EFNA5: variants seen among roughly 807,000 people sequenced by gnomAD.
The protein encoded by EFNA5 is ephrin A5.
A neutral mutation model predicts 22.9 loss-of-function variants in EFNA5; 5 were observed. The ratio of observed to expected loss-of-function variants is 0.22; its 90% CI spans 0.11 to 0.46. EFNA5 has a LOEUF of 0.46. Among genes scored for constraint, EFNA5 ranks in the 20% least tolerant of loss-of-function variants. The pLI is 0.99. For missense variants in EFNA5, 237 were observed against 293.3 expected (o/e 0.81, Z 1.40); for synonymous variants, 113 against 112.2 (o/e 1.01, Z -0.04).
chr5:107,582,361 C>G lies in EFNA5; in HGVS notation c.125+88128G>C, dbSNP rs1749089818. Among the ~76,000 whole-genome samples, 5 of 152,212 alleles carry G rather than the reference C, an allele frequency of 3.3e-5. 1 individual carries two copies. In the South Asian group the frequency reaches 1.0e-3, roughly 32 times the overall value. ...CATAGGAAATTAAGTTCATTTGGGG[C>G]TGAGATGATGCTTTGTTCACTTTAG... On this transcript the variant is annotated intron_variant, in intron 1 of 4. Coordinates refer to ENST00000333274, the MANE Select transcript of EFNA5 (RefSeq NM_001962.3).
At chr5:107,498,042 A>G (rs925631058) in intron 1 of EFNA5, among the ~76,000 whole-genome samples, 1 of 152,124 alleles carries the variant, frequency 6.6e-6, no homozygotes, top group African/African-American at 2.4e-5. Context: ...CAGCCTCCCA[A>G]GTAGCTGGGA....
intron 1 of EFNA5, among the ~76,000 whole-genome samples, chr5:107,432,744 T>C (rs1361844121): frequency 6.6e-6 from 1 of 152,162 alleles, no homozygotes; most frequent in Non-Finnish European, 1.5e-5. Context: ...GAAGGCTGCA[T>C]GGCCACTTAG....
At chr5:107,468,173 T>C (rs960261471) in intron 1 of EFNA5, among the ~76,000 whole-genome samples, 3 of 152,176 alleles carry the variant, frequency 2.0e-5, no homozygotes, top group East Asian at 3.9e-4. Context: ...GTTTTTAAAA[T>C]GGGAAGAAAT....
intron 2 of EFNA5, among the ~76,000 whole-genome samples, chr5:107,419,394 A>G (rs1489129221): frequency 6.6e-6 from 1 of 152,222 alleles, no homozygotes; most frequent in Non-Finnish European, 1.5e-5. Flanking sequence ...GTGGGAGTAT[A>G]CAAAGCGAAT....
At chr5:107,638,567 A>G (rs1750434900) in intron 1 of EFNA5, among the ~76,000 whole-genome samples, 1 of 152,240 alleles carries the variant, frequency 6.6e-6, no homozygotes, top group Admixed American at 6.5e-5. Context: ...TTTAAAATAC[A>G]GTATGACAAC....
intron 4 of EFNA5, among the ~76,000 whole-genome samples, chr5:107,383,486 T>C (rs554262872): frequency 2.0e-5 from 3 of 152,326 alleles, no homozygotes; most frequent in South Asian, 2.1e-4. Context: ...CACCAATATG[T>C]TGTCAATCAA....
At chr5:107,538,993 A>T (rs1747988636) in intron 1 of EFNA5, among the ~76,000 whole-genome samples, 1 of 152,200 alleles carries the variant, frequency 6.6e-6, no homozygotes. Context: ...CTGTCACAAC[A>T]TTCACAGCTT....
chr5:107,505,649 T>C (rs564366887), intron 1 of EFNA5, among the ~76,000 whole-genome samples: 1 of 152,342 alleles, frequency 6.6e-6, no homozygotes, highest in South Asian at 2.1e-4. Flanking sequence ...TGTGAATATA[T>C]TAACTGATTG....
chr5:107,577,720 T>A (rs976835774), intron 1 of EFNA5, among the ~76,000 whole-genome samples: 1 of 152,162 alleles, frequency 6.6e-6, no homozygotes, highest in Non-Finnish European at 1.5e-5. Context: ...AGAGATTAGT[T>A]GGGGGAGCCT....
chr5:107,567,172 A>T (rs899615709), intron 1 of EFNA5, among the ~76,000 whole-genome samples: 1 of 152,216 alleles, frequency 6.6e-6, no homozygotes, highest in Non-Finnish European at 1.5e-5. Flanking sequence ...AATAAAAAGC[A>T]GGACTCTGGT....
At chr5:107,593,114 A>C (rs1230553596) in intron 1 of EFNA5, among the ~76,000 whole-genome samples, 1 of 152,196 alleles carries the variant, frequency 6.6e-6, no homozygotes, top group African/African-American at 2.4e-5. Context: ...TGCTATGTCC[A>C]TGGCTATACA....
At chr5:107,429,283 A>G (rs1457880471) in intron 1 of EFNA5, among the ~76,000 whole-genome samples, 1 of 152,186 alleles carries the variant, frequency 6.6e-6, no homozygotes, top group Non-Finnish European at 1.5e-5. Context: ...TCTCTACTAA[A>G]AATACAAAAA....
intron 1 of EFNA5, among the ~76,000 whole-genome samples, chr5:107,517,962 G>C (rs1215807623): frequency 6.6e-6 from 1 of 152,118 alleles, no homozygotes; most frequent in Non-Finnish European, 1.5e-5. Context: ...GCAATGAAGT[G>C]TACTCAGCAG....
At chr5:107,519,083 A>G (rs1233011038) in intron 1 of EFNA5, among the ~76,000 whole-genome samples, 1 of 152,262 alleles carries the variant, frequency 6.6e-6, no homozygotes, top group East Asian at 1.9e-4. Flanking sequence ...ACCAATGAAG[A>G]TATTCCTCTT....
At chr5:107,627,635 C>CAAAAAA (rs758660866) in intron 1 of EFNA5, among the ~76,000 whole-genome samples, 3 of 72,064 alleles carry the variant, frequency 4.2e-5, no homozygotes, top group Non-Finnish European at 8.2e-5. Flanking sequence ...GACCACATCT[C>CAAAAAA]AAAAAAAAAA....
At chr5:107,638,291 TA>T (rs1164135084) in intron 1 of EFNA5, among the ~76,000 whole-genome samples, 1 of 152,058 alleles carries the variant, frequency 6.6e-6, no homozygotes, top group African/African-American at 2.4e-5. Flanking sequence ...ATGCAGAGGC[TA>T]AAAAAGTAGA....
chr5:107,554,546 G>A (rs1242384457), intron 1 of EFNA5, among the ~76,000 whole-genome samples: 1 of 152,138 alleles, frequency 6.6e-6, no homozygotes, highest in Non-Finnish European at 1.5e-5. Context: ...TATCCTCATA[G>A]AAACATTAGG....
chr5:107,589,686 C>T (rs1309893777), intron 1 of EFNA5, among the ~76,000 whole-genome samples: 1 of 152,034 alleles, frequency 6.6e-6, no homozygotes, highest in Non-Finnish European at 1.5e-5. Context: ...TTATCATCAT[C>T]ATAAGAAAGA....
intron 1 of EFNA5, among the ~76,000 whole-genome samples, chr5:107,612,445 T>C (rs544244398): frequency 7.1e-4 from 108 of 152,050 alleles, no homozygotes; most frequent in South Asian, 2.7e-3. Context: ...CAATCATCAA[T>C]AGCCCAAGCA....
Sources: gnomAD v4.1 joint callset for allele counts (sites outside exome capture counted in the v4.1 genomes callset) on GRCh38, gnomAD v4.1.1 for gene constraint, MANE v1.5 for transcripts, NCBI Gene and HGNC (gene_info 2026-07-23, HGNC 2026-07-21) for gene names.